LRP1B: variants seen among roughly 807,000 people sequenced by gnomAD.
LRP1B encodes low-density lipoprotein receptor-related protein 1B.
LRP1B carries 217 observed loss-of-function variants against 556.6 expected under a neutral mutation model. The ratio of observed to expected loss-of-function variants is 0.39; its 90% CI spans 0.35 to 0.44. The LOEUF is 0.44. Ranked by LOEUF, LRP1B falls within the 20% of genes least tolerant of loss-of-function variation. The pLI is 1.00. For synonymous variants in LRP1B, 2,047 were observed against 1,865.8 expected, an observed-to-expected ratio of 1.10 and a Z score of -2.50; for missense variants, 5,053 against 5,620.8, an observed-to-expected ratio of 0.90 and a Z score of 3.23.
chr2:140,369,237 A>G (rs901106398), intron 71 of LRP1B, among the ~76,000 whole-genome samples: 1 of 151,884 alleles, frequency 6.6e-6, no homozygotes, highest in Non-Finnish European at 1.5e-5. Flanking sequence ...CATAATCGGA[A>G]GGACACTTAC....
intron 11 of LRP1B, among the ~76,000 whole-genome samples, chr2:141,022,594 A>G (rs1418068212): frequency 6.6e-6 from 1 of 151,968 alleles, no homozygotes; most frequent in Admixed American, 6.6e-5. Context: ...ATTTTATTCA[A>G]AGGGGTCTGG....
At chr2:140,414,317 G>T (rs1042237744) in intron 66 of LRP1B, among the ~76,000 whole-genome samples, 22 of 152,138 alleles carry the variant, frequency 1.4e-4, no homozygotes, top group Non-Finnish European at 2.4e-4. Flanking sequence ...TAGTTATTTA[G>T]TTTCAGCTTC....
intron 1 of LRP1B, among the ~76,000 whole-genome samples, chr2:141,897,380 G>A (rs1015969499): frequency 6.6e-6 from 1 of 152,160 alleles, no homozygotes; most frequent in Non-Finnish European, 1.5e-5. Context: ...CAGCATGAAG[G>A]ATGTTACTTA....
At chr2:140,323,585 CTAAAACT>C (rs1372151179) in intron 81 of LRP1B, among the ~76,000 whole-genome samples, 1 of 151,566 alleles carries the variant, frequency 6.6e-6, no homozygotes, top group Non-Finnish European at 1.5e-5. Flanking sequence ...CACATGTACC[CTAAAACT>C]TAAAGTATAA....
rs145485820 is a variant in LRP1B, at chr2:141,940,691, G to A, written c.83-130290C>T. 6.5e-3 allele frequency among the ~76,000 whole-genome samples: 988 copies of A among 152,244 alleles called. 12 individuals carry two copies. The highest frequency in any genetic ancestry group is 0.023 in the African/African-American group (953 of 41,548). On this transcript the variant is annotated intron_variant, in intron 1 of 90. Coordinates refer to ENST00000389484, the MANE Select transcript of LRP1B (RefSeq NM_018557.3). ...TTTACTCTAGTGTAATAAAATACAAGTGTGTATGCAGATTCAGTTCATCAC... is the reference window on the plus strand; with the variant it reads ...TTTACTCTAGTGTAATAAAATACAAATGTGTATGCAGATTCAGTTCATCAC...
At chr2:141,563,358 A>T (rs1180142541) in intron 2 of LRP1B, among the ~76,000 whole-genome samples, 4 of 152,092 alleles carry the variant, frequency 2.6e-5, no homozygotes, top group Non-Finnish European at 5.9e-5. Flanking sequence ...ATAAATTGCC[A>T]AAGAAAAGAG....
chr2:141,992,311 T>C (rs1702370429), intron 1 of LRP1B, among the ~76,000 whole-genome samples: 1 of 152,074 alleles, frequency 6.6e-6, no homozygotes, highest in Non-Finnish European at 1.5e-5. Context: ...AATGGGACCA[T>C]GGACTGAGTG....
chr2:141,830,872 G>T (rs1399069143), intron 1 of LRP1B, among the ~76,000 whole-genome samples: 1 of 151,708 alleles, frequency 6.6e-6, no homozygotes, highest in Non-Finnish European at 1.5e-5. Flanking sequence ...CCAAGAATTT[G>T]GTCCTGATTT....
rs539193181 is a variant in LRP1B, at chr2:140,252,074, A to AAG, written c.13248-4913_13248-4912insCT. 1.2e-3 allele frequency among the ~76,000 whole-genome samples: 136 copies of AAG among 115,762 alleles called. 6 individuals carry two copies. Among genetic ancestry groups the AAG allele is most frequent in the South Asian group, 3.5e-3 (13 of 3,682 alleles). The allele number at this position is 115,762 out of a possible 152,430, so 75.9% of individuals were successfully genotyped here. ...GCATGACAAGATGCAAAAAAAAAAA[A>AAG]AAAAAAAAAAAAAAACCCAAAAAAC... On this transcript the variant is annotated intron_variant, in intron 86 of 90. Transcript: ENST00000389484.
chr2:141,617,188 T>C (rs947767709), intron 2 of LRP1B, among the ~76,000 whole-genome samples: 8 of 152,328 alleles, frequency 5.3e-5, no homozygotes, highest in African/African-American at 1.9e-4. Flanking sequence ...AAGAACTGTG[T>C]ATTTTTTACA....
intron 20 of LRP1B, among the ~76,000 whole-genome samples, chr2:140,930,037 G>A (rs1459146386): frequency 6.6e-6 from 1 of 152,010 alleles, no homozygotes; most frequent in East Asian, 1.9e-4. Flanking sequence ...TCCCTCTGAA[G>A]AACCTATGAT....
intron 1 of LRP1B, among the ~76,000 whole-genome samples, chr2:142,124,063 G>T (rs72996338): frequency 0.028 from 4,187 of 151,626 alleles, 188 homozygotes; most frequent in African/African-American, 0.096. Context: ...TTTAGATTTG[G>T]GGGTACATGT....
intron 3 of LRP1B, among the ~76,000 whole-genome samples, chr2:141,417,048 A>G (rs962181163): frequency 1.3e-5 from 2 of 152,062 alleles, no homozygotes; most frequent in African/African-American, 2.4e-5. Context: ...AAGTTCACCT[A>G]TTTTTTCGTT....
At chr2:142,021,888 C>A (rs1467974445) in intron 1 of LRP1B, among the ~76,000 whole-genome samples, 3 of 152,048 alleles carry the variant, frequency 2.0e-5, no homozygotes, top group African/African-American at 7.2e-5. Flanking sequence ...AATCAGGTGA[C>A]CTTTTGTTTC....
intron 41 of LRP1B, among the ~76,000 whole-genome samples, chr2:140,627,624 T>C (rs758626084): frequency 2.6e-5 from 4 of 152,212 alleles, no homozygotes; most frequent in Non-Finnish European, 5.9e-5. Context: ...GATTTCACCT[T>C]GTGATTGTGT....
intron 65 of LRP1B, 26 bp from the exon 66 acceptor site, chr2:140,442,649 T>C (rs781057101): frequency 6.2e-7 from 1 of 1,611,114 alleles, no homozygotes. Flanking sequence ...GCCATTAAAA[T>C]GTAGCTTTGG....
chr2:142,097,419 C>A (rs1418519507), intron 1 of LRP1B, among the ~76,000 whole-genome samples: 1 of 151,360 alleles, frequency 6.6e-6, no homozygotes, highest in Non-Finnish European at 1.5e-5. Context: ...AATACATGTG[C>A]AAAAAAAAGA....
At chr2:142,124,301 G>A (rs1707562914) in intron 1 of LRP1B, among the ~76,000 whole-genome samples, 1 of 151,846 alleles carries the variant, frequency 6.6e-6, no homozygotes, top group Admixed American at 6.6e-5. Flanking sequence ...TAGGGAATAA[G>A]ATCAACAAAT....
At position 141,634,036 on chromosome 2, in the gene LRP1B, T is replaced by C. The variant is rs185848128; in HGVS notation, c.206-153503A>G. Among the ~76,000 whole-genome samples, 173 of 148,964 alleles carry C rather than the reference T, an allele frequency of 1.2e-3. 2 individuals are homozygous for C. The East Asian group carries it at 0.033, about 29-fold the overall frequency. ...AATTATTTCCCACACAGCAATGCTT[T>C]CTTTTTTTTTTCAATTTTAACTTAG... On this transcript the variant is annotated intron_variant, in intron 2 of 90. Transcript: ENST00000389484.
Sources: allele counts gnomAD v4.1 joint callset (sites outside exome capture counted in the v4.1 genomes callset), GRCh38; gene constraint gnomAD v4.1.1; transcripts MANE v1.5; gene names NCBI Gene and HGNC (gene_info 2026-07-23, HGNC 2026-07-21).